Variants in SPIDR observed in about 807,000 individuals in gnomAD.
SPIDR encodes scaffold protein involved in DNA repair, also known as DNA repair-scaffolding protein.
In SPIDR, 93 loss-of-function variants were observed where a neutral mutation model predicts 104.6. The observed-to-expected ratio is 0.89, with a 90% CI of 0.75 to 1.06. The LOEUF is 1.06. Among genes scored for constraint, SPIDR ranks in the 50% least tolerant of loss-of-function variants. The probability of loss-of-function intolerance (pLI) is 0.00; values close to 1 mark genes in which losing one functional copy is unlikely to be tolerated. For synonymous variants in SPIDR, 431 were observed against 416.9 expected, an observed-to-expected ratio of 1.03 and a Z score of -0.41; for missense variants, 1,154 against 1,111.2, an observed-to-expected ratio of 1.04 and a Z score of -0.55.
intron 10 of SPIDR, among the ~76,000 whole-genome samples, chr8:47,637,999 A>T (rs1161746219): frequency 6.6e-6 from 1 of 151,534 alleles, no homozygotes; most frequent in Non-Finnish European, 1.5e-5. Context: ...TTTATTTTAC[A>T]CTTTGAGTTA....
Position 47,732,064 on chromosome 8 carries a change from C to G in SPIDR, c.2604+2599C>G, listed in dbSNP as rs2085335817. 2.8e-5 allele frequency: 19 copies of G among 689,980 alleles called. No homozygotes were observed. In the South Asian group the frequency reaches 2.9e-4, roughly 10 times the overall value. 42.7% of individuals were successfully genotyped at this position (689,980 alleles called of 1,614,324 possible). On this transcript the variant is annotated intron_variant, in intron 19 of 19. Transcript: ENST00000297423. ...AGCAGCTGCCTGGCATCCCTGGTCA[C>G]CATCCAGGAAGTCTCCAGCAATGGA...
chr8:47,293,602 G>A (rs1463249956), intron 4 of SPIDR, among the ~76,000 whole-genome samples: 1 of 152,032 alleles, frequency 6.6e-6, no homozygotes, highest in East Asian at 1.9e-4. Context: ...GTGTGCCACC[G>A]TGTCCAGCTA....
At chr8:47,288,291 C>CTTT (rs782147624) in intron 3 of SPIDR, among the ~76,000 whole-genome samples, 1 of 145,758 alleles carries the variant, frequency 6.9e-6, no homozygotes, top group African/African-American at 2.5e-5. Context: ...TAACTTCCTT[C>CTTT]TTTTTTTTTT....
At chr8:47,450,502 A>G (rs543552077) in intron 8 of SPIDR, among the ~76,000 whole-genome samples, 27 of 152,332 alleles carry the variant, frequency 1.8e-4, no homozygotes, top group African/African-American at 5.3e-4. Context: ...GGGTGTTCAT[A>G]GAAATATGAT....
At chr8:47,570,783 AAG>A (rs1461095388) in intron 8 of SPIDR, among the ~76,000 whole-genome samples, 2 of 152,184 alleles carry the variant, frequency 1.3e-5, no homozygotes, top group African/African-American at 4.8e-5. Flanking sequence ...GATATACAAT[AAG>A]AGTAATGATT....
chr8:47,331,989 C>CTTTTTTTTTT (rs1289524835), intron 5 of SPIDR, among the ~76,000 whole-genome samples: 5 of 36,318 alleles, frequency 1.4e-4, no homozygotes, highest in South Asian at 1.7e-3. Flanking sequence ...TTTTTTTTCT[C>CTTTTTTTTTT]TTTTTTTTTT....
At chr8:47,261,177 G>A (rs1483321678) in intron 1 of SPIDR, among the ~76,000 whole-genome samples, 186 bp downstream of exon 1, 3 of 152,184 alleles carry the variant, frequency 2.0e-5, no homozygotes, top group Admixed American at 1.3e-4. Context: ...ACCGCCCCCA[G>A]GTCCGGCTCC....
chr8:47,729,514 A>G (rs769898132), intron 19 of SPIDR, 49 bp downstream of exon 19: 38 of 1,557,784 alleles, frequency 2.4e-5, no homozygotes, highest in Non-Finnish European at 1.3e-5. Context: ...AGTAGCCTGC[A>G]TGAGCAACTC....
At chr8:47,702,488 GC>G (rs1039782010) in intron 14 of SPIDR, among the ~76,000 whole-genome samples, 2 of 152,040 alleles carry the variant, frequency 1.3e-5, no homozygotes, top group South Asian at 2.1e-4. Flanking sequence ...AAAACTGAAA[GC>G]CCCCCCATCC....
At chr8:47,597,378 C>T (rs946226525) in intron 9 of SPIDR, among the ~76,000 whole-genome samples, 1 of 152,086 alleles carries the variant, frequency 6.6e-6, no homozygotes, top group Non-Finnish European at 1.5e-5. Context: ...TCCCCCACTC[C>T]ACAACAGGCC....
At chr8:47,265,396 GC>G (rs1203806023) in intron 1 of SPIDR, among the ~76,000 whole-genome samples, 1 of 151,490 alleles carries the variant, frequency 6.6e-6, no homozygotes, top group Non-Finnish European at 1.5e-5. Flanking sequence ...TTGCTGTGTT[GC>G]CGAGGCTGGT....
At chr8:47,465,994 C>T (rs781835371) in intron 8 of SPIDR, among the ~76,000 whole-genome samples, 7 of 152,048 alleles carry the variant, frequency 4.6e-5, no homozygotes, top group African/African-American at 9.7e-5. Flanking sequence ...TATATATACA[C>T]CCAACACAGG....
intron 10 of SPIDR, among the ~76,000 whole-genome samples, chr8:47,649,460 A>T (rs2071198962): frequency 6.6e-6 from 1 of 152,184 alleles, no homozygotes; most frequent in African/African-American, 2.4e-5. Context: ...ACCATTCCAG[A>T]CTGCAGAGTA....
intron 5 of SPIDR, among the ~76,000 whole-genome samples, chr8:47,315,817 T>C (rs1554589112): frequency 6.6e-6 from 1 of 152,138 alleles, no homozygotes; most frequent in South Asian, 2.1e-4. Context: ...TGGATGAAAG[T>C]TCACCTTGAC....
chr8:47,567,580 C>T (rs1197189283), intron 8 of SPIDR, among the ~76,000 whole-genome samples: 24 of 152,002 alleles, frequency 1.6e-4, no homozygotes, highest in Non-Finnish European at 1.5e-5. Flanking sequence ...ATTCAAAGAT[C>T]CTGCTACTAG....
At position 47,552,739 on chromosome 8, in the gene SPIDR, T is replaced by G. The variant is rs376973080; in HGVS notation, c.1098-43072T>G. Among the ~76,000 whole-genome samples the G allele has an allele frequency of 3.8e-3, 580 of 152,342 alleles. 3 individuals are homozygous for G. Among genetic ancestry groups the G allele is most frequent in the South Asian group, 0.022 (108 of 4,828 alleles). ...AATTTGCCAGTCTGTGTCTTTTAAT[T>G]GGAGCATTTAGCCCATTTACATTTA... On this transcript the variant is annotated intron_variant, in intron 8 of 19. Coordinates refer to ENST00000297423, the MANE Select transcript of SPIDR (RefSeq NM_001080394.4).
intron 8 of SPIDR, chr8:47,511,358 T>C: frequency 9.6e-7 from 1 of 1,044,688 alleles, no homozygotes; most frequent in Non-Finnish European, 1.5e-6. Context: ...TAGGGGGCAG[T>C]GCTGCTCGGT....
intron 5 of SPIDR, among the ~76,000 whole-genome samples, chr8:47,379,780 G>A (rs2059110599): frequency 6.6e-6 from 1 of 152,182 alleles, no homozygotes; most frequent in Admixed American, 6.5e-5. Context: ...TGCCTGCGGA[G>A]CTCTGTGTCC....
At chr8:47,636,118 C>T (rs2067881681) in intron 10 of SPIDR, among the ~76,000 whole-genome samples, 1 of 152,210 alleles carries the variant, frequency 6.6e-6, no homozygotes. Context: ...CACCTCATGT[C>T]TCTATCACAT....
Sources: gnomAD v4.1 joint callset for allele counts (sites outside exome capture counted in the v4.1 genomes callset) on GRCh38, gnomAD v4.1.1 for gene constraint, MANE v1.5 for transcripts, NCBI Gene and HGNC (gene_info 2026-07-23, HGNC 2026-07-21) for gene names.